EPM2A: variants seen among roughly 807,000 people sequenced by gnomAD.
The protein encoded by EPM2A is laforin.
Under a neutral mutation model 26.5 loss-of-function variants are expected in EPM2A, and 21 were observed. That is an observed-to-expected ratio of 0.79 (90% CI 0.56 to 1.14). The LOEUF (loss-of-function observed/expected upper bound fraction) is 1.14, where lower values mean the gene tolerates loss of function less well. EPM2A is among the 50% of genes most tolerant of loss of function. EPM2A has a pLI of 0.00. For missense variants in EPM2A, 458 were observed against 440.8 expected (o/e 1.04, Z -0.35); for synonymous variants, 217 against 177.6 (o/e 1.22, Z -1.76).
chr6:145,731,901 G>GAATTATCAGCCACAGCTGAT (rs1397229424), intron 1 of EPM2A, among the ~76,000 whole-genome samples: 1 of 152,076 alleles, frequency 6.6e-6, no homozygotes, highest in South Asian at 2.1e-4. Context: ...TTTCACATTA[G>GAATTATCAGCCACAGCTGAT]AATTATCAGC....
chr6:145,661,973 G>C (rs1290495332), intron 2 of EPM2A, among the ~76,000 whole-genome samples: 1 of 152,048 alleles, frequency 6.6e-6, no homozygotes, highest in Non-Finnish European at 1.5e-5. Flanking sequence ...CACACAAAAA[G>C]CCCTATTTCC....
intron 4 of EPM2A, chr6:145,489,948 C>T: frequency 7.3e-7 from 1 of 1,372,316 alleles, no homozygotes; most frequent in Non-Finnish European, 1.0e-6. Context: ...TTTGGACCTG[C>T]TCTGGAAGCA....
chr6:145,630,980 A>G (rs879855199), intron 3 of EPM2A: 6 of 152,016 alleles, frequency 3.9e-5, no homozygotes, highest in African/African-American at 1.4e-4. Flanking sequence ...TCCTTCCCTA[A>G]TCCACCTGGT....
chr6:145,662,782 G>C (rs568755168), intron 2 of EPM2A, among the ~76,000 whole-genome samples: 42 of 152,222 alleles, frequency 2.8e-4, no homozygotes, highest in Non-Finnish European at 5.7e-4. Flanking sequence ...TCAAGGATGG[G>C]GTTCTTGCTA....
At chr6:145,513,433 C>A (rs781440826) in intron 2 of EPM2A, among the ~76,000 whole-genome samples, 1 of 152,148 alleles carries the variant, frequency 6.6e-6, no homozygotes, top group Admixed American at 6.5e-5. Context: ...AAAGGGAATG[C>A]TCATACACTG....
chr6:145,397,612 C>T (rs1778423132), intron 4 of EPM2A, among the ~76,000 whole-genome samples: 1 of 152,184 alleles, frequency 6.6e-6, no homozygotes, highest in Admixed American at 6.5e-5. Context: ...CTTTTTACAG[C>T]TTCCAGTGAG....
At chr6:145,389,750 A>G (rs538372989) in intron 4 of EPM2A, among the ~76,000 whole-genome samples, 1 of 152,276 alleles carries the variant, frequency 6.6e-6, no homozygotes, top group East Asian at 1.9e-4. Context: ...TCCATTTTTC[A>G]GAGTACACGA....
At chr6:145,638,316 A>G (rs543487453) in intron 2 of EPM2A, 8 of 152,242 alleles carry the variant, frequency 5.3e-5, no homozygotes, top group Non-Finnish European at 7.3e-5. Context: ...AGCCTGCAAT[A>G]TAAGAAATCA....
At chr6:145,640,965 C>T (rs1194470519) in intron 2 of EPM2A, 1 of 152,230 alleles carries the variant, frequency 6.6e-6, no homozygotes, top group Non-Finnish European at 1.5e-5. Flanking sequence ...CTTTATTAAA[C>T]CATAGTTTTA....
chr6:145,454,933 CTAAA>C (rs895252080), intron 4 of EPM2A, among the ~76,000 whole-genome samples: 13 of 152,024 alleles, frequency 8.6e-5, no homozygotes, highest in African/African-American at 3.1e-4. Flanking sequence ...ACTAGAAAAA[CTAAA>C]TATGTTTGGA....
intron 4 of EPM2A, among the ~76,000 whole-genome samples, chr6:145,463,743 C>A (rs1779354113): frequency 1.3e-5 from 2 of 151,974 alleles, no homozygotes; most frequent in African/African-American, 4.8e-5. Flanking sequence ...GCAAGTGGGG[C>A]TTATTTCTCT....
intron 2 of EPM2A, among the ~76,000 whole-genome samples, chr6:145,576,041 G>T (rs1183873278): frequency 1.3e-5 from 2 of 152,110 alleles, no homozygotes; most frequent in Non-Finnish European, 2.9e-5. Context: ...TCACCATGTT[G>T]GCCAGGCTGG....
At chr6:145,505,745 C>G (rs955958878) in intron 2 of EPM2A, among the ~76,000 whole-genome samples, 1 of 151,766 alleles carries the variant, frequency 6.6e-6, no homozygotes, top group Non-Finnish European at 1.5e-5. Flanking sequence ...ATATATGTCC[C>G]TGAAAGATTA....
chr6:145,587,294 G>A (rs769271658), intron 2 of EPM2A, among the ~76,000 whole-genome samples: 7 of 152,118 alleles, frequency 4.6e-5, no homozygotes, highest in Non-Finnish European at 1.0e-4. Flanking sequence ...CCAAAAACAT[G>A]TTTCTATTTT....
At chr6:145,592,345 C>T (rs1006386009) in intron 2 of EPM2A, among the ~76,000 whole-genome samples, 1 of 151,962 alleles carries the variant, frequency 6.6e-6, no homozygotes, top group Admixed American at 6.6e-5. Flanking sequence ...TGAACTCATC[C>T]TTTTTTATGG....
At chr6:145,465,517 C>A (rs1316714922) in intron 4 of EPM2A, among the ~76,000 whole-genome samples, 4 of 98,428 alleles carry the variant, frequency 4.1e-5, no homozygotes, top group Non-Finnish European at 6.0e-5. Context: ...TGGTGAGGAA[C>A]TGCGTTCCTT....
At chr6:145,475,035 T>G (rs1269084294) in intron 4 of EPM2A, among the ~76,000 whole-genome samples, 1 of 152,222 alleles carries the variant, frequency 6.6e-6, no homozygotes, top group Non-Finnish European at 1.5e-5. Flanking sequence ...TGTAAATTAG[T>G]TCAATCATTG....
chr6:145,542,594 T>C (rs1452901016), intron 2 of EPM2A, among the ~76,000 whole-genome samples: 1 of 152,236 alleles, frequency 6.6e-6, no homozygotes, highest in Non-Finnish European at 1.5e-5. Context: ...TAAAGCCAAT[T>C]AGAGCATATT....
intron 4 of EPM2A, among the ~76,000 whole-genome samples, chr6:145,481,025 T>G (rs1248902144): frequency 1.3e-5 from 2 of 152,122 alleles, no homozygotes; most frequent in African/African-American, 4.8e-5. Context: ...ATTTGTGAGC[T>G]GGGAACAATC....
Sources: gnomAD v4.1 joint callset for allele counts (sites outside exome capture counted in the v4.1 genomes callset) on GRCh38, gnomAD v4.1.1 for gene constraint, MANE v1.5 for transcripts, NCBI Gene and HGNC (gene_info 2026-07-23, HGNC 2026-07-21) for gene names.